URI1: variants seen among roughly 807,000 people sequenced by gnomAD.
URI1 encodes the protein unconventional prefoldin RPB5 interactor 1.
A neutral mutation model predicts 60.2 loss-of-function variants in URI1; 39 were observed. The ratio of observed to expected loss-of-function variants is 0.65; its 90% CI spans 0.50 to 0.85. The LOEUF is 0.85. URI1 is among the 40% of genes least tolerant of loss of function. The pLI is 0.00. For missense variants in URI1, 691 were observed against 665.9 expected, an observed-to-expected ratio of 1.04 and a Z score of -0.42; for synonymous variants, 251 against 236.8, an observed-to-expected ratio of 1.06 and a Z score of -0.55.
At chr19:29,984,145 G>T (rs2055631885) in intron 2 of URI1, among the ~76,000 whole-genome samples, 1 of 152,106 alleles carries the variant, frequency 6.6e-6, no homozygotes, top group Non-Finnish European at 1.5e-5. Context: ...TCTTCTTTCG[G>T]CCGGGTGTGG....
intron 3 of URI1, 54 bp downstream of exon 3, chr19:29,985,355 A>G (rs376233911): frequency 3.4e-6 from 5 of 1,454,996 alleles, no homozygotes; most frequent in Non-Finnish European, 1.9e-6. Context: ...AAACATATTA[A>G]CTATGTGTCG....
At chr19:30,005,628 C>T (rs767328700) in intron 5 of URI1, 23 bp from the exon 6 acceptor site, 3 of 1,583,100 alleles carry the variant, frequency 1.9e-6, no homozygotes, top group Non-Finnish European at 1.7e-6. Flanking sequence ...TGTTAATACG[C>T]TTTTTTTTTG....
chr19:29,944,978 A>G (rs1404845265), intron 1 of URI1, among the ~76,000 whole-genome samples: 2 of 152,230 alleles, frequency 1.3e-5, no homozygotes, highest in African/African-American at 2.4e-5. Flanking sequence ...CTAGTAAAGT[A>G]GAAGCGTAGT....
At chr19:29,928,203 G>T (rs535707261) in intron 1 of URI1, among the ~76,000 whole-genome samples, 3 of 152,264 alleles carry the variant, frequency 2.0e-5, no homozygotes, top group Admixed American at 6.5e-5. Flanking sequence ...GCTGGGAGCG[G>T]TGATTTTTGC....
chr19:29,984,965 C>G (rs984729524), intron 2 of URI1, among the ~76,000 whole-genome samples: 3 of 151,232 alleles, frequency 2.0e-5, no homozygotes, highest in African/African-American at 7.3e-5. Context: ...ACTGAAAATA[C>G]AAAAACTAGC....
chr19:29,942,622 G>T lies in URI1; in HGVS notation c.75G>T (p.Leu25Phe). The change falls in exon 1 of 11, where the codon TTG becomes TTT. Residue 25 changes from leucine to phenylalanine, a missense_variant. Leu to Phe is a conservative substitution (Grantham distance 22). Coordinates refer to ENST00000392271, the MANE Select transcript of URI1 (RefSeq NM_003796.3). Reference sequence around the variant, plus strand: ...CCCCGGCCCCTGCCCTGGTTCCGTTGCGCGCCCCGGATGTGGCGCGGCTGC... The same window carrying T: ...CCCCGGCCCCTGCCCTGGTTCCGTTTCGCGCCCCGGATGTGGCGCGGCTGC... ...PSAPAPALVP[L>F]RAPDVARLRE... 1 of 1,444,310 alleles carries T rather than the reference G, an allele frequency of 6.9e-7. No homozygotes were observed. The allele number at this position is 1,444,310 out of a possible 1,614,324, so 89.5% of individuals were successfully genotyped here.
intron 2 of URI1, 36 bp downstream of exon 2, chr19:29,971,263 A>G (rs776337152): frequency 1.1e-5 from 17 of 1,606,854 alleles, no homozygotes; most frequent in Non-Finnish European, 1.4e-5. Context: ...CTTCTGAAAT[A>G]CTGATGGGGT....
At chr19:29,982,255 C>G (rs1324751200) in intron 2 of URI1, among the ~76,000 whole-genome samples, 1 of 152,162 alleles carries the variant, frequency 6.6e-6, no homozygotes, top group African/African-American at 2.4e-5. Flanking sequence ...AAACTGCTCT[C>G]CAGTATGTCC....
intron 1 of URI1, among the ~76,000 whole-genome samples, chr19:29,949,867 CCAGCTTCG>C (rs911018824): frequency 1.1e-4 from 16 of 151,796 alleles, no homozygotes; most frequent in Non-Finnish European, 2.2e-4. Context: ...GCAGTACAGT[CCAGCTTCG>C]GCTTGGCATC....
intron 2 of URI1, among the ~76,000 whole-genome samples, chr19:29,977,491 T>A (rs1230451933): frequency 6.6e-6 from 1 of 151,896 alleles, no homozygotes; most frequent in Non-Finnish European, 1.5e-5. Flanking sequence ...TTTTACTGAC[T>A]ACAAAGTTTT....
At chr19:29,933,840 A>G (rs2054944116) in intron 1 of URI1, among the ~76,000 whole-genome samples, 2 of 148,538 alleles carry the variant, frequency 1.3e-5, no homozygotes, top group African/African-American at 2.5e-5. Context: ...AAAAAAATCA[A>G]CTTTTATTTT....
chr19:29,998,952 A>G (rs2145415182), intron 4 of URI1, among the ~76,000 whole-genome samples: 1 of 151,318 alleles, frequency 6.6e-6, no homozygotes, highest in East Asian at 1.9e-4. Context: ...TCTCCTTTTC[A>G]CTTCTTTTTA....
chr19:29,994,824 A>G (rs1236584233), intron 4 of URI1, among the ~76,000 whole-genome samples: 1 of 148,688 alleles, frequency 6.7e-6, no homozygotes, highest in Middle Eastern at 3.5e-3. Flanking sequence ...TCTGTTGCCC[A>G]GGCTGGGAGT....
At chr19:29,948,494 A>T (rs1290038242) in intron 1 of URI1, among the ~76,000 whole-genome samples, 1 of 152,202 alleles carries the variant, frequency 6.6e-6, no homozygotes, top group Non-Finnish European at 1.5e-5. Context: ...TAATTTATTG[A>T]AAAGAGTATA....
intron 4 of URI1, among the ~76,000 whole-genome samples, chr19:30,005,038 G>A (rs1462664835): frequency 1.3e-5 from 2 of 151,984 alleles, no homozygotes; most frequent in East Asian, 3.8e-4. Flanking sequence ...ATGAAATACT[G>A]CATTTTATGT....
In URI1 at chr19:30,016,181, A is replaced by G. The variant is rs2056083375; in HGVS notation, c.*1112A>G. On this transcript the variant is annotated 3_prime_UTR_variant, in exon 11 of 11. Coordinates refer to ENST00000392271, the MANE Select transcript of URI1 (RefSeq NM_003796.3). ...ATAGCTTCTTTAATGAATTCTTCTTAAACAAAGTGAAATTATGTCCTAGAA... is the reference window on the plus strand; with the variant it reads ...ATAGCTTCTTTAATGAATTCTTCTTGAACAAAGTGAAATTATGTCCTAGAA... 6.6e-6 allele frequency: 1 copy of G among 152,154 alleles called. No individual in the cohort carries two copies. Among genetic ancestry groups the G allele is most frequent in the Admixed American group, 6.5e-5 (1 of 15,276 alleles). 9.4% of individuals were successfully genotyped at this position (152,154 alleles called of 1,614,324 possible). A position where few individuals can be genotyped will look rare whatever the true frequency, so the allele number is the denominator to read the frequency against.
At chr19:29,936,355 G>A (rs1348196765) in intron 1 of URI1, among the ~76,000 whole-genome samples, 2 of 152,112 alleles carry the variant, frequency 1.3e-5, no homozygotes, top group Non-Finnish European at 2.9e-5. Context: ...TGCCCACCTC[G>A]GCCTCCCAAA....
chr19:29,990,916 T>C (rs1436705196), intron 4 of URI1, among the ~76,000 whole-genome samples: 1 of 152,228 alleles, frequency 6.6e-6, no homozygotes, highest in Non-Finnish European at 1.5e-5. Context: ...AGCCATTTTG[T>C]GTAATTGTGT....
intron 1 of URI1, among the ~76,000 whole-genome samples, chr19:29,926,933 G>A (rs896538175): frequency 3.9e-5 from 6 of 152,198 alleles, no homozygotes; most frequent in African/African-American, 1.4e-4. Flanking sequence ...TGCTTGTACT[G>A]AGTCTGGCTC....
Sources: allele counts gnomAD v4.1 joint callset (sites outside exome capture counted in the v4.1 genomes callset), GRCh38; gene constraint gnomAD v4.1.1; transcripts MANE v1.5; gene names NCBI Gene and HGNC (gene_info 2026-07-23, HGNC 2026-07-21).